SLC2A9: variants seen among roughly 807,000 people sequenced by gnomAD.
SLC2A9 encodes the protein solute carrier family 2, facilitated glucose transporter member 9.
A neutral mutation model predicts 50.6 loss-of-function variants in SLC2A9; 39 were observed. The observed-to-expected ratio is 0.77, with a 90% CI of 0.60 to 1.01. The LOEUF (loss-of-function observed/expected upper bound fraction) is 1.01, where lower values mean the gene tolerates loss of function less well. Among genes scored for constraint, SLC2A9 ranks in the 50% least tolerant of loss-of-function variants. The pLI, the probability that SLC2A9 is intolerant of heterozygous loss-of-function variation, is 0.00. For synonymous variants in SLC2A9, 324 were observed against 276.9 expected, an observed-to-expected ratio of 1.17 and a Z score of -1.69; for missense variants, 686 against 677.6, an observed-to-expected ratio of 1.01 and a Z score of -0.14.
intron 7 of SLC2A9, among the ~76,000 whole-genome samples, chr4:9,911,004 G>T (rs374399894): frequency 6.6e-6 from 1 of 151,568 alleles, no homozygotes; most frequent in Admixed American, 6.6e-5. Context: ...GTTGGGGTGT[G>T]GGGGGGCTAG....
At chr4:10,019,164 C>T in intron 1 of SLC2A9, 91 bp from the exon 2 acceptor site, 2 of 1,041,780 alleles carry the variant, frequency 1.9e-6, no homozygotes, top group East Asian at 2.6e-5. Context: ...CTGGGGGAGG[C>T]CTTCCGGAGG....
intron 3 of SLC2A9, among the ~76,000 whole-genome samples, chr4:9,812,561 A>C (rs1723031077): frequency 6.6e-6 from 1 of 152,114 alleles, no homozygotes; most frequent in African/African-American, 2.4e-5. Context: ...CTCATCACTA[A>C]AAATATCTGT....
At chr4:9,887,727 CATCT>C (rs1736552993) in intron 9 of SLC2A9, 85 bp from the exon 10 acceptor site, 6 of 1,153,450 alleles carry the variant, frequency 5.2e-6, no homozygotes, top group South Asian at 1.9e-5. Context: ...CTCCTCCATC[CATCT>C]GTGTGACCTT....
In SLC2A9 at chr4:9,890,528, C is replaced by A. The variant is rs146345207; in HGVS notation, c.1215+82G>T. 1.5e-3 allele frequency: 1,955 copies of A among 1,327,862 alleles called. 8 individuals are homozygous for A. Among genetic ancestry groups the A allele is most frequent in the Non-Finnish European group, 2.0e-3 (1,833 of 923,888 alleles). 82.3% of individuals were successfully genotyped at this position (1,327,862 alleles called of 1,614,324 possible). A position where few individuals can be genotyped will look rare whatever the true frequency, so the allele number is the denominator to read the frequency against. On this transcript the variant is annotated intron_variant, in intron 9 of 11. Coordinates refer to ENST00000264784, the MANE Select transcript of SLC2A9 (RefSeq NM_020041.3). Reference sequence around the variant, plus strand: ...TGTTTTCTGTAGAAGTATGAACCCACAAATCAAAGGCCCCAAAACGATGAA... The same window carrying A: ...TGTTTTCTGTAGAAGTATGAACCCAAAAATCAAAGGCCCCAAAACGATGAA...
At chr4:9,913,752 G>A (rs1742342210) in intron 7 of SLC2A9, among the ~76,000 whole-genome samples, 1 of 152,168 alleles carries the variant, frequency 6.6e-6, no homozygotes, top group Admixed American at 6.5e-5. Context: ...AGGGGTCTGG[G>A]GTTGCTCCTT....
downstream of SLC2A9, among the ~76,000 whole-genome samples, chr4:9,825,271 G>A (rs1047956585): frequency 6.6e-6 from 1 of 152,204 alleles, no homozygotes; most frequent in Admixed American, 6.5e-5. Flanking sequence ...AACAACTTTA[G>A]CATGTAAGAG....
chr4:9,861,251 T>C (rs1159863516), intron 10 of SLC2A9, among the ~76,000 whole-genome samples: 1 of 152,004 alleles, frequency 6.6e-6, no homozygotes, highest in Non-Finnish European at 1.5e-5. Context: ...AAGTGAGGTG[T>C]CTCACATGAT....
chr4:9,830,281 C>T (rs11729337), intron 11 of SLC2A9, among the ~76,000 whole-genome samples: 6,705 of 152,306 alleles, frequency 0.044, 209 homozygotes, highest in Non-Finnish European at 0.064. Context: ...CCAAACACTG[C>T]ATGTTCTCAC....
intron 3 of SLC2A9, among the ~76,000 whole-genome samples, chr4:9,808,649 A>G (rs190647184): frequency 2.0e-5 from 3 of 152,352 alleles, no homozygotes; most frequent in African/African-American, 7.2e-5. Context: ...TTCCACCAGC[A>G]TCTTGCACCC....
At chr4:9,979,601 A>G (rs1046912728) in intron 5 of SLC2A9, among the ~76,000 whole-genome samples, 5 of 151,766 alleles carry the variant, frequency 3.3e-5, no homozygotes, top group African/African-American at 1.2e-4. Flanking sequence ...TTCCCTTACC[A>G]TGTGTACCAA....
chr4:9,848,099 A>C (rs1729263962), intron 10 of SLC2A9, among the ~76,000 whole-genome samples: 1 of 152,110 alleles, frequency 6.6e-6, no homozygotes, highest in Non-Finnish European at 1.5e-5. Context: ...AGCCTGATTG[A>C]CTGCTCTACT....
chr4:9,966,472 A>G (rs960736740), intron 5 of SLC2A9, among the ~76,000 whole-genome samples: 2 of 152,166 alleles, frequency 1.3e-5, no homozygotes, highest in Admixed American at 1.3e-4. Flanking sequence ...CCTGGCCAAC[A>G]TGGTGAAACT....
chr4:10,012,584 G>T (rs1025263469), intron 2 of SLC2A9, among the ~76,000 whole-genome samples: 4 of 152,172 alleles, frequency 2.6e-5, no homozygotes, highest in African/African-American at 9.7e-5. Flanking sequence ...GGGCTAAAGC[G>T]TGATGGAGGG....
intron 6 of SLC2A9, among the ~76,000 whole-genome samples, chr4:9,929,694 C>T (rs977142954): frequency 2.0e-5 from 3 of 152,138 alleles, no homozygotes; most frequent in African/African-American, 4.8e-5. Context: ...AGCAGGGGAG[C>T]GGAGGAGCGA....
intron 6 of SLC2A9, among the ~76,000 whole-genome samples, chr4:9,926,397 T>C (rs1473068598): frequency 1.3e-5 from 2 of 149,144 alleles, no homozygotes; most frequent in Non-Finnish European, 3.0e-5. Context: ...ATTTTCTATC[T>C]AGTATGATAC....
rs534438513 is a variant in SLC2A9 at position 9,782,352 on chromosome 4, C to T, written n.386-2287G>A. ...GTCGCCGAGGTGGCCGGTTACTGGC[C>T]CTTTGGAGCGTTCTGCGACGTCTGG... is the stretch of plus-strand genomic sequence containing the variant. On this transcript the variant is annotated intron_variant and non_coding_transcript_variant, in intron 3 of 3. Coordinates refer to the SLC2A9 transcript ENST00000503803. 19 of 1,614,040 alleles carry T rather than the reference C, an allele frequency of 1.2e-5. No individual in the cohort carries two copies. The East Asian group carries it at 3.6e-4, about 30-fold the overall frequency.
intron 2 of SLC2A9, among the ~76,000 whole-genome samples, chr4:10,013,476 C>T (rs1320220336): frequency 2.0e-5 from 3 of 152,144 alleles, no homozygotes; most frequent in Admixed American, 1.3e-4. Flanking sequence ...AGTGTCCCAC[C>T]CCTGAAACTT....
chr4:9,899,802 AT>A (rs907237727), intron 8 of SLC2A9, among the ~76,000 whole-genome samples: 3 of 152,174 alleles, frequency 2.0e-5, no homozygotes, highest in Non-Finnish European at 2.9e-5. Context: ...CAAAACAGAC[AT>A]GGGTTTTCCT....
chr4:9,781,283 T>C (rs1423419172), intron 3 of SLC2A9, among the ~76,000 whole-genome samples: 44 of 152,112 alleles, frequency 2.9e-4, no homozygotes, highest in Non-Finnish European at 7.4e-5. Flanking sequence ...GGGACTCGGG[T>C]CTGTGGGTAA....
Sources: gnomAD v4.1 joint callset for allele counts (sites outside exome capture counted in the v4.1 genomes callset) on GRCh38, gnomAD v4.1.1 for gene constraint, MANE v1.5 for transcripts, NCBI Gene and HGNC (gene_info 2026-07-23, HGNC 2026-07-21) for gene names.